FOXM1: variants seen among roughly 807,000 people sequenced by gnomAD.
FOXM1 encodes forkhead box M1.
FOXM1 carries 25 observed loss-of-function variants against 63.6 expected under a neutral mutation model. The ratio of observed to expected loss-of-function variants is 0.39; its 90% CI spans 0.29 to 0.55. FOXM1 has a LOEUF of 0.55. FOXM1 is among the 20% of genes least tolerant of loss of function. FOXM1 has a pLI of 0.60. For synonymous variants in FOXM1, 387 were observed against 376.9 expected, an observed-to-expected ratio of 1.03 and a Z score of -0.31; for missense variants, 879 against 958.7, an observed-to-expected ratio of 0.92 and a Z score of 1.10.
intron 1 of FOXM1, among the ~76,000 whole-genome samples, chr12:2,875,945 T>A (rs942165985): frequency 7.2e-6 from 1 of 138,898 alleles, no homozygotes; most frequent in African/African-American, 2.9e-5. Flanking sequence ...TTTTTTTTTT[T>A]AGTAGAAACA....
Position 2,874,327 on chromosome 12 carries a change from G to A in FOXM1, c.152C>T (p.Ala51Val). ...TGGAAACTTGCAAGAGTTGGACTCT[G>A]CCACTTCCTTGGAGGCCTCTGCTTG... is the stretch of plus-strand genomic sequence containing the variant. ...SNQAEASKEV[A>V]ESNSCKFPAG... Residue 51 changes from alanine to valine, a missense_variant, in exon 2 of 9, where the codon GCA becomes GTA. Physicochemically the swap from Ala to Val is moderately conservative, Grantham distance 64. Coordinates refer to ENST00000359843, the MANE Select transcript of FOXM1 (RefSeq NM_021953.4). This position sits in a 1 kb window ranked among gnomAD's most constrained non-coding sequence, Gnocchi z 4.3. 1 of 1,614,172 alleles carries A rather than the reference G, an allele frequency of 6.2e-7. No individual in the cohort carries two copies. Among genetic ancestry groups the A allele is most frequent in the Non-Finnish European group, 8.5e-7 (1 of 1,180,024 alleles).
rs915324607 is a variant in FOXM1, at chr12:2,866,827, T to C, written c.847-306A>G. ...AGTAAGGCTGTGAGGTAGTGATCAATAGCAAGAAAGGTGGCTCAGAGAAAT... is the reference window on the plus strand; with the variant it reads ...AGTAAGGCTGTGAGGTAGTGATCAACAGCAAGAAAGGTGGCTCAGAGAAAT... On this transcript the variant is annotated intron_variant, in intron 4 of 8. Coordinates refer to ENST00000359843, the MANE Select transcript of FOXM1 (RefSeq NM_021953.4). 3.3e-5 allele frequency among the ~76,000 whole-genome samples: 5 copies of C among 152,204 alleles called. No individual in the cohort carries two copies. The South Asian group carries it at 6.2e-4, about 19-fold the overall frequency.
At chr12:2,867,789 A>G (rs551086503) in intron 4 of FOXM1, among the ~76,000 whole-genome samples, 1 of 151,094 alleles carries the variant, frequency 6.6e-6, no homozygotes, top group South Asian at 2.1e-4. Context: ...CAGCCTGACC[A>G]ACATGGTGAA....
chr12:2,860,812 C>G (rs1239023647), intron 8 of FOXM1, among the ~76,000 whole-genome samples: 4 of 150,298 alleles, frequency 2.7e-5, no homozygotes, highest in Non-Finnish European at 5.9e-5. Flanking sequence ...GCAGAGGTTG[C>G]CAAGATCACA....
rs1033517670 is a variant in FOXM1 at position 2,871,759 on chromosome 12, T to C, written c.654+337A>G. Reference sequence around the variant, plus strand: ...GTTGTATTCTATTCAATTCATACTGTTCATACTGTTGGGAAGCATCTTTAA... The same window carrying C: ...GTTGTATTCTATTCAATTCATACTGCTCATACTGTTGGGAAGCATCTTTAA... On this transcript the variant is annotated intron_variant, in intron 3 of 8. Coordinates refer to ENST00000359843, the MANE Select transcript of FOXM1 (RefSeq NM_021953.4). Among the ~76,000 whole-genome samples, 4 of 152,206 alleles carry C rather than the reference T, an allele frequency of 2.6e-5. No individual in the cohort carries two copies. In the East Asian group the frequency reaches 5.8e-4, roughly 22 times the overall value.
rs1205866521 is a variant in FOXM1 at position 2,864,911 on chromosome 12, T to C, written c.1021-159A>G. ...TGAGGGGATGGACGTAGGCGAGCAG[T>C]CTCCAAAACTGTGATGAGTGGGCAG... On this transcript the variant is annotated intron_variant, in intron 6 of 8. Coordinates refer to ENST00000359843, the MANE Select transcript of FOXM1 (RefSeq NM_021953.4). The surrounding 1 kb of genome is among the most constrained non-coding windows in gnomAD (Gnocchi z 5.1). 3 of 727,818 alleles carry C rather than the reference T, an allele frequency of 4.1e-6. No individual in the cohort carries two copies. The highest frequency in any genetic ancestry group is 7.1e-6 in the Non-Finnish European group (3 of 422,724). The allele number at this position is 727,818 out of a possible 1,614,324, so 45.1% of individuals were successfully genotyped here. A position where few individuals can be genotyped will look rare whatever the true frequency, so the allele number is the denominator to read the frequency against.
Position 2,864,408 on chromosome 12 carries a change from G to T in FOXM1, c.1178C>A (p.Pro393His), listed in dbSNP as rs754381527. Residue 393 changes from proline (P) to histidine (H), a missense_variant, in exon 8 of 9, where the codon CCC becomes CAC. By Grantham distance (77) the Pro-to-His change is moderately conservative. Around this residue, in one of 4 missense-constraint regions of FOXM1, gnomAD observed 76 missense variants for 94.5 expected, o/e 0.80. Coordinates refer to ENST00000359843, the MANE Select transcript of FOXM1 (RefSeq NM_021953.4). The surrounding 1 kb of genome is among the most constrained non-coding windows in gnomAD (Gnocchi z 5.1). ...FPVNQSLVLQ[P>H]SVKVPLPLAA... ...CAGGGGCAATGGCACCTTCACCGAGGGCTGCAACACCAGTGACTGGTTCAC... is the reference window on the plus strand; with the variant it reads ...CAGGGGCAATGGCACCTTCACCGAGTGCTGCAACACCAGTGACTGGTTCAC... 8 of 1,614,050 alleles carry T rather than the reference G, an allele frequency of 5.0e-6. No homozygotes were observed. The African/African-American group carries it at 9.3e-5, about 19-fold the overall frequency.
chr12:2,858,583 G>A lies in FOXM1; in HGVS notation c.*55C>T. The A allele has an allele frequency of 6.6e-7, 1 of 1,511,866 alleles. No homozygotes were observed. Among genetic ancestry groups the A allele is most frequent in the Non-Finnish European group, 9.0e-7 (1 of 1,106,882 alleles). 93.7% of individuals were successfully genotyped at this position (1,511,866 alleles called of 1,614,324 possible). A position where few individuals can be genotyped will look rare whatever the true frequency, so the allele number is the denominator to read the frequency against. On this transcript the variant is annotated 3_prime_UTR_variant, in exon 9 of 9. Coordinates refer to ENST00000359843, the MANE Select transcript of FOXM1 (RefSeq NM_021953.4). ...CACTCAGAGGCTTGGGGTGCACTGA[G>A]CCTTGGAGTGCCCGGGATGGTGGAC...
chr12:2,865,257 C>G, intron 6 of FOXM1, 98 bp downstream of exon 6: 2 of 1,142,188 alleles, frequency 1.8e-6, no homozygotes, highest in Non-Finnish European at 2.5e-6. Flanking sequence ...CCATAGGGAC[C>G]CTTCCCCACA....
chr12:2,859,874 A>G, intron 8 of FOXM1: 1 of 550,480 alleles, frequency 1.8e-6, no homozygotes, highest in South Asian at 2.3e-5. Flanking sequence ...AATAGCATTC[A>G]TCCGAGAGGA....
At chr12:2,876,615 G>C (rs1425160827) in intron 1 of FOXM1, 1 of 152,320 alleles carries the variant, frequency 6.6e-6, no homozygotes, top group East Asian at 1.9e-4. Context: ...TACAATCTCA[G>C]TCTTCATCTC....
chr12:2,873,904 G>T, intron 2 of FOXM1, 73 bp downstream of exon 2: 1 of 1,493,056 alleles, frequency 6.7e-7, no homozygotes, highest in Non-Finnish European at 9.1e-7. Context: ...TAAGCATCAA[G>T]ACTGACTACA....
In FOXM1 at chr12:2,865,410, C is replaced by T; in HGVS notation, c.976-11G>A. The T allele has an allele frequency of 6.2e-7, 1 of 1,608,720 alleles. No homozygotes were observed. The highest frequency in any genetic ancestry group is 1.7e-5 in the Admixed American group (1 of 59,226). ...CCCTGGGTCCAGTGGCTGGTGGCGG[C>T]CAGGCATTGTGGGAGAGAAATGAGA... On this transcript the variant is annotated splice_polypyrimidine_tract_variant and intron_variant, in intron 5 of 8. Transcript: ENST00000359843.
chr12:2,867,132 GAC>G (rs1429829652), intron 4 of FOXM1, among the ~76,000 whole-genome samples: 2 of 151,660 alleles, frequency 1.3e-5, no homozygotes, highest in Non-Finnish European at 2.9e-5. Context: ...CAGCCTGGGT[GAC>G]AGAGTGAGGC....
At position 2,858,032 on chromosome 12, in the gene FOXM1, G is replaced by T. The variant is rs1170508128; in HGVS notation, c.*606C>A. On this transcript the variant is annotated 3_prime_UTR_variant, in exon 9 of 9. Transcript: ENST00000359843. The stretch of plus-strand genomic sequence containing the variant: ...TGCAGGAAAGCTGACTTGGAAACAC[G>T]GGGAGGTGGCAGGGAGGGGCAAAAA... The T allele has an allele frequency of 6.5e-6, 1 of 152,760 alleles. No homozygotes were observed. The highest frequency in any genetic ancestry group is 2.1e-4 in the South Asian group (1 of 4,836). The allele number at this position is 152,760 out of a possible 1,614,324, so 9.5% of individuals were successfully genotyped here. A position where few individuals can be genotyped will look rare whatever the true frequency, so the allele number is the denominator to read the frequency against.
chr12:2,865,120 T>C (rs1311818193), intron 6 of FOXM1, among the ~76,000 whole-genome samples: 2 of 152,182 alleles, frequency 1.3e-5, no homozygotes, highest in African/African-American at 2.4e-5. Context: ...TGCTGCAGCA[T>C]GCTCCCCTGC....
chr12:2,868,685 T>C lies in FOXM1; in HGVS notation c.724A>G (p.Met242Val), dbSNP rs775412444. The C allele has an allele frequency of 2.5e-6, 4 of 1,613,834 alleles. No individual in the cohort carries two copies. The highest frequency in any genetic ancestry group is 2.2e-5 in the East Asian group (1 of 44,880). ...TTGATGGCGAATTGTATCATGGCCA[T>C]GTAAGAGTAGGGTGGCCGCTCAGAC... ...SVSERPPYSY[M>V]AMIQFAINST... The change falls in exon 4 of 9, where the codon ATG becomes GTG. Residue 242 changes from methionine (M) to valine (V), a missense_variant. Coordinates refer to ENST00000359843, the MANE Select transcript of FOXM1 (RefSeq NM_021953.4).
chr12:2,869,442 T>A lies in FOXM1; in HGVS notation c.655-688A>T, dbSNP rs537054805. On this transcript the variant is annotated intron_variant, in intron 3 of 8. Transcript: ENST00000359843. The stretch of plus-strand genomic sequence containing the variant: ...ACACCACCACGCCCAGCTAATTTTT[T>A]TTTTTTTTTTGAGATGGAGTTTCAC... 4.6e-5 allele frequency among the ~76,000 whole-genome samples: 7 copies of A among 151,874 alleles called. No homozygotes were observed. The East Asian group carries it at 1.4e-3, about 29-fold the overall frequency.
At position 2,874,007 on chromosome 12, in the gene FOXM1, C is replaced by A. The variant is rs1202754116; in HGVS notation, c.472G>T (p.Ala158Ser). The change falls in exon 2 of 9, where the codon GCC becomes TCC. Residue 158 changes from alanine to serine, a missense_variant. Around this residue, in one of 4 missense-constraint regions of FOXM1, gnomAD observed 255 missense variants for 292.4 expected, o/e 0.87. Transcript: ENST00000359843. This position sits in a 1 kb window ranked among gnomAD's most constrained non-coding sequence, Gnocchi z 4.3. ...RDVNLPRPPGALCEQKRETCA... is the reference protein window; with the variant it reads ...RDVNLPRPPGSLCEQKRETCA... The stretch of plus-strand genomic sequence containing the variant: ...GTCTCCCGTTTCTGCTCGCAAAGGG[C>A]TCCAGGTGGTCTAGGAAGATTCACA... 6.2e-7 allele frequency: 1 copy of A among 1,613,876 alleles called. No individual in the cohort carries two copies.
Sources: allele counts gnomAD v4.1 joint callset (sites outside exome capture counted in the v4.1 genomes callset), GRCh38; gene constraint gnomAD v4.1.1; regional missense constraint gnomAD v4.1.1; non-coding constraint Gnocchi (gnomAD v3.1); transcripts MANE v1.5; gene names NCBI Gene and HGNC (gene_info 2026-07-23, HGNC 2026-07-21).